NXPE2: variants seen among roughly 807,000 people sequenced by gnomAD.
NXPE2 encodes the protein neurexophilin and PC-esterase domain family member 2, also known as NXPE family member 2.
NXPE2 carries 34 observed loss-of-function variants against 34.4 expected under a neutral mutation model. The observed-to-expected ratio is 0.99, with a 90% CI of 0.75 to 1.31. The LOEUF (loss-of-function observed/expected upper bound fraction) is 1.31, where lower values mean the gene tolerates loss of function less well. NXPE2 is among the 40% of genes most tolerant of loss of function. The probability of loss-of-function intolerance (pLI) is 0.00; values close to 1 mark genes in which losing one functional copy is unlikely to be tolerated. For synonymous variants in NXPE2, 235 were observed against 231.3 expected (o/e 1.02, Z -0.15); for missense variants, 649 against 672.5 (o/e 0.97, Z 0.39).
chr11:114,522,910 C>A, the NXPE2 span: 1 of 1,613,264 alleles, frequency 6.2e-7, no homozygotes, highest in South Asian at 1.1e-5. Context: ...AGTAGATCCA[C>A]TGACGTAGTG....
the NXPE2 span, among the ~76,000 whole-genome samples, chr11:114,766,838 A>G: frequency 5.0e-3 from 759 of 152,258 alleles, 4 homozygotes; most frequent in African/African-American, 0.018. Context: ...GAAGTGCTAC[A>G]TGGAAACTAC....
rs1344352437 is a variant in NXPE2 at position 114,698,607 on chromosome 11, G to A, written c.695G>A (p.Gly232Asp). Residue 232 changes from glycine (G) to aspartate (D), a missense_variant, in exon 3 of 6, where the codon GGC becomes GAC. By Grantham distance (94) the Gly-to-Asp change is moderately conservative (BLOSUM62 -1). Transcript: ENST00000389586. ...AGCTCCAATGTCTTCACTGAATGTG[G>A]CCTGACCCTAAACACAAATGCTGAA... ...NRSSNVFTEC[G>D]LTLNTNAELC... is the part of the protein sequence containing the mutation. The A allele has an allele frequency of 3.7e-6, 6 of 1,614,036 alleles. No homozygotes were observed. Among genetic ancestry groups the A allele is most frequent in the Non-Finnish European group, 5.1e-6 (6 of 1,180,022 alleles).
the NXPE2 span, among the ~76,000 whole-genome samples, chr11:114,493,223 T>C: frequency 3.9e-5 from 6 of 152,162 alleles, no homozygotes; most frequent in African/African-American, 1.2e-4. Context: ...GAAGTATGTT[T>C]CTTGTAGGCA....
At chr11:114,468,900 G>A in the NXPE2 span, among the ~76,000 whole-genome samples, 1 of 152,066 alleles carries the variant, frequency 6.6e-6, no homozygotes, top group Non-Finnish European at 1.5e-5. Flanking sequence ...TTCGAAAAAT[G>A]CAAACATTCT....
chr11:114,579,875 G>C, the NXPE2 span, among the ~76,000 whole-genome samples: 1 of 152,146 alleles, frequency 6.6e-6, no homozygotes, highest in East Asian at 1.9e-4. Flanking sequence ...AGTTTTTGGA[G>C]CCTACTGGGT....
the NXPE2 span, among the ~76,000 whole-genome samples, chr11:114,516,927 C>T: frequency 4.1e-3 from 620 of 152,284 alleles, 6 homozygotes; most frequent in African/African-American, 0.013. Flanking sequence ...TGTGTTCACC[C>T]TGGCACCCTT....
At chr11:114,567,327 C>G in the NXPE2 span, among the ~76,000 whole-genome samples, 3 of 151,998 alleles carry the variant, frequency 2.0e-5, no homozygotes, top group Non-Finnish European at 4.4e-5. Context: ...CTTGTTCACA[C>G]CCCTGGTTCA....
chr11:114,570,030 C>G, the NXPE2 span, among the ~76,000 whole-genome samples: 133 of 152,238 alleles, frequency 8.7e-4, no homozygotes, highest in African/African-American at 3.0e-3. Flanking sequence ...CTGTTTCTCT[C>G]AAGATGTAAG....
the NXPE2 span, among the ~76,000 whole-genome samples, chr11:114,671,056 TA>T: frequency 6.8e-6 from 1 of 147,782 alleles, no homozygotes; most frequent in African/African-American, 2.5e-5. Flanking sequence ...TATAAAAATA[TA>T]AATATATACA....
chr11:114,523,495 A>T, the NXPE2 span, among the ~76,000 whole-genome samples: 1 of 152,190 alleles, frequency 6.6e-6, no homozygotes, highest in Non-Finnish European at 1.5e-5. Flanking sequence ...TGAAGGAATG[A>T]ATAATCTTAA....
chr11:114,579,992 C>G, the NXPE2 span: 1 of 699,418 alleles, frequency 1.4e-6, no homozygotes, highest in Non-Finnish European at 2.5e-6. Flanking sequence ...GGAAGGATAA[C>G]AATGCCTTGT....
the NXPE2 span, among the ~76,000 whole-genome samples, chr11:114,629,017 G>C: frequency 1.3e-5 from 2 of 152,056 alleles, no homozygotes; most frequent in Non-Finnish European, 2.9e-5. Flanking sequence ...CTCTGAAATT[G>C]TGGCAATAAT....
chr11:114,668,109 G>A, the NXPE2 span, among the ~76,000 whole-genome samples: 1 of 151,966 alleles, frequency 6.6e-6, no homozygotes, highest in Non-Finnish European at 1.5e-5. Context: ...AATACCTCTT[G>A]ATAGATGGAT....
chr11:114,564,789 T>C, the NXPE2 span, among the ~76,000 whole-genome samples: 1 of 152,190 alleles, frequency 6.6e-6, no homozygotes, highest in Non-Finnish European at 1.5e-5. Flanking sequence ...CTTTAGCTAA[T>C]TCTGGAAAGG....
chr11:114,525,261 C>T, the NXPE2 span, among the ~76,000 whole-genome samples: 12 of 152,020 alleles, frequency 7.9e-5, no homozygotes, highest in Non-Finnish European at 1.6e-4. Flanking sequence ...TTGCATAGAC[C>T]TGCCCACTGA....
the NXPE2 span, among the ~76,000 whole-genome samples, chr11:114,508,720 T>C: frequency 6.6e-6 from 1 of 152,212 alleles, no homozygotes; most frequent in East Asian, 1.9e-4. Context: ...ACTCCTTCCT[T>C]ACACCTTATA....
At chr11:114,504,252 A>G in the NXPE2 span, among the ~76,000 whole-genome samples, 1 of 151,862 alleles carries the variant, frequency 6.6e-6, no homozygotes, top group East Asian at 1.9e-4. Flanking sequence ...AGGAAGCCCC[A>G]CCTAGCCAGA....
chr11:114,800,919 C>CACA, the NXPE2 span, among the ~76,000 whole-genome samples: 1 of 152,174 alleles, frequency 6.6e-6, no homozygotes, highest in East Asian at 1.9e-4. Context: ...CAGCATTCAA[C>CACA]ACAACTTTAT....
chr11:114,680,213 C>T (rs2135530694), intron 2 of NXPE2, among the ~76,000 whole-genome samples: 1 of 152,210 alleles, frequency 6.6e-6, no homozygotes, highest in African/African-American at 2.4e-5. Context: ...CTTTTCTTCC[C>T]AACCATTTAG....
Sources: allele counts gnomAD v4.1 joint callset (sites outside exome capture counted in the v4.1 genomes callset), GRCh38; gene constraint gnomAD v4.1.1; transcripts MANE v1.5; gene names NCBI Gene and HGNC (gene_info 2026-07-23, HGNC 2026-07-21).